CNKSR3: variants seen among roughly 807,000 people sequenced by gnomAD.
CNKSR3 encodes the protein connector enhancer of kinase suppressor of ras 3.
Under a neutral mutation model 67.7 loss-of-function variants are expected in CNKSR3, and 36 were observed. The observed-to-expected ratio is 0.53, with a 90% CI of 0.41 to 0.70. CNKSR3 has a LOEUF of 0.70. Among genes scored for constraint, CNKSR3 ranks in the 30% least tolerant of loss-of-function variants. CNKSR3 has a pLI of 0.00. For missense variants in CNKSR3, 630 were observed against 695.2 expected, an observed-to-expected ratio of 0.91 and a Z score of 1.05; for synonymous variants, 281 against 271.4, an observed-to-expected ratio of 1.04 and a Z score of -0.35.
chr6:154,474,318 C>T (rs2114630869), intron 1 of CNKSR3, among the ~76,000 whole-genome samples: 1 of 151,192 alleles, frequency 6.6e-6, no homozygotes, highest in East Asian at 2.0e-4. Context: ...GAGGCTGAGG[C>T]AGGGGAATCG....
intron 7 of CNKSR3, 40 bp from the exon 8 acceptor site, chr6:154,423,023 C>G: frequency 7.7e-6 from 10 of 1,293,268 alleles, no homozygotes; most frequent in Non-Finnish European, 1.1e-5. Flanking sequence ...TTCTTTTAAA[C>G]CTTCTATTTC....
chr6:154,419,139 T>C (rs1254639687), intron 9 of CNKSR3, among the ~76,000 whole-genome samples: 4 of 148,346 alleles, frequency 2.7e-5, no homozygotes, highest in Non-Finnish European at 5.9e-5. Flanking sequence ...TCTCAAGCAA[T>C]CCTCCCACCT....
At position 154,410,688 on chromosome 6, in the gene CNKSR3, T is replaced by G. The variant is rs563141990; in HGVS notation, c.1279+246A>C. 8.5e-5 allele frequency among the ~76,000 whole-genome samples: 13 copies of G among 152,340 alleles called. No individual in the cohort carries two copies. The East Asian group carries it at 2.5e-3, about 29-fold the overall frequency. On this transcript the variant is annotated intron_variant, in intron 11 of 12. Coordinates refer to ENST00000607772, the MANE Select transcript of CNKSR3 (RefSeq NM_173515.4). ...AACTCCAAAGCTAAAACCCAGGCAC[T>G]GAAAGTTAAAACTGTAACATGATCT... is the stretch of plus-strand genomic sequence containing the variant.
chr6:154,431,166 G>A (rs1352611882), intron 5 of CNKSR3, among the ~76,000 whole-genome samples: 4 of 151,978 alleles, frequency 2.6e-5, no homozygotes, highest in Non-Finnish European at 5.9e-5. Flanking sequence ...AAACTAGGAC[G>A]GGCACAGTGG....
chr6:154,464,639 C>A lies in CNKSR3; in HGVS notation c.53-14381G>T, dbSNP rs540187443. ...GCTGAGGCAGGGGAATCGCTTGAAC[C>A]CGAGAGGTGGAGGTTGCAGTGAGCC... On this transcript the variant is annotated intron_variant, in intron 1 of 12. Coordinates refer to ENST00000607772, the MANE Select transcript of CNKSR3 (RefSeq NM_173515.4). Among the ~76,000 whole-genome samples the A allele has an allele frequency of 5.3e-5, 8 of 151,290 alleles. No individual in the cohort carries two copies. The South Asian group carries it at 1.7e-3, about 32-fold the overall frequency.
chr6:154,473,461 A>T (rs974147680), intron 1 of CNKSR3, among the ~76,000 whole-genome samples: 1 of 152,146 alleles, frequency 6.6e-6, no homozygotes, highest in Non-Finnish European at 1.5e-5. Context: ...TGAAATCTGA[A>T]GCCCAAGCTG....
chr6:154,423,121 C>T lies in CNKSR3; in HGVS notation c.730-138G>A, dbSNP rs968885690. The T allele has an allele frequency of 3.8e-5, 24 of 633,312 alleles. No individual in the cohort carries two copies. In the East Asian group the frequency reaches 4.9e-4, roughly 13 times the overall value. The allele number at this position is 633,312 out of a possible 1,614,324, so 39.2% of individuals were successfully genotyped here. ...GAAAAATAAAACAATGCACTTTATT[C>T]CCCTGAGACTACACAGTCTATAGGA... On this transcript the variant is annotated intron_variant, in intron 7 of 12. Coordinates refer to ENST00000607772, the MANE Select transcript of CNKSR3 (RefSeq NM_173515.4).
At chr6:154,441,449 A>AGCT in intron 3 of CNKSR3, 70 bp from the exon 4 acceptor site, 1 of 1,102,278 alleles carries the variant, frequency 9.1e-7, no homozygotes, top group Non-Finnish European at 1.4e-6. Context: ...GGATGTTGGT[A>AGCT]AGCATAGCTA....
chr6:154,468,393 TACACACACACACACAC>T (rs55806681), intron 1 of CNKSR3, among the ~76,000 whole-genome samples: 6 of 137,218 alleles, frequency 4.4e-5, no homozygotes, highest in African/African-American at 8.1e-5. Flanking sequence ...ATATATTTTA[TACACACACACACACAC>T]ACACACACAC....
At chr6:154,488,811 C>G (rs1308199187) in intron 1 of CNKSR3, among the ~76,000 whole-genome samples, 1 of 152,110 alleles carries the variant, frequency 6.6e-6, no homozygotes, top group Non-Finnish European at 1.5e-5. Context: ...AAAATTGGGA[C>G]TTTTTTAAAA....
At chr6:154,421,373 T>C (rs1785139803) in intron 9 of CNKSR3, among the ~76,000 whole-genome samples, 1 of 152,222 alleles carries the variant, frequency 6.6e-6, no homozygotes, top group Admixed American at 6.5e-5. Context: ...CAGTACCTTG[T>C]CTCACAAAGT....
intron 1 of CNKSR3, among the ~76,000 whole-genome samples, chr6:154,506,335 G>A (rs1787102775): frequency 6.6e-6 from 1 of 152,154 alleles, no homozygotes; most frequent in South Asian, 2.1e-4. Flanking sequence ...GTGAGGGAGG[G>A]AGGAAAGAGA....
chr6:154,492,752 AAAAAAAC>A (rs1786805418), intron 1 of CNKSR3, among the ~76,000 whole-genome samples: 1 of 151,324 alleles, frequency 6.6e-6, no homozygotes, highest in African/African-American at 2.4e-5. Context: ...TCTCAAAAAA[AAAAAAAC>A]AAAAAACAAA....
intron 2 of CNKSR3, among the ~76,000 whole-genome samples, chr6:154,442,913 G>A (rs112047092): frequency 3.9e-4 from 59 of 151,754 alleles, no homozygotes; most frequent in Non-Finnish European, 4.9e-4. Context: ...TTTTTGAGAC[G>A]GAGTCTCACT....
At chr6:154,461,682 CT>C (rs1307052198) in intron 1 of CNKSR3, among the ~76,000 whole-genome samples, 1 of 152,188 alleles carries the variant, frequency 6.6e-6, no homozygotes, top group Non-Finnish European at 1.5e-5. Flanking sequence ...AGTTAATATT[CT>C]TAAAGCACTT....
chr6:154,485,315 T>C (rs1314716336), intron 1 of CNKSR3, among the ~76,000 whole-genome samples: 1 of 152,232 alleles, frequency 6.6e-6, no homozygotes, highest in Non-Finnish European at 1.5e-5. Flanking sequence ...GAAGAAATTA[T>C]ATGTGTTTCT....
At chr6:154,466,786 ATTTT>A (rs368521995) in intron 1 of CNKSR3, among the ~76,000 whole-genome samples, 3 of 137,828 alleles carry the variant, frequency 2.2e-5, no homozygotes, top group Non-Finnish European at 4.6e-5. Flanking sequence ...CGCCCAGCTA[ATTTT>A]TTTGTTTTTT....
intron 10 of CNKSR3, among the ~76,000 whole-genome samples, chr6:154,411,477 T>C (rs1784909852): frequency 6.6e-6 from 1 of 152,054 alleles, no homozygotes. Context: ...TGAAACCCCA[T>C]CTCTACTAAA....
Position 154,415,227 on chromosome 6 carries a change from C to CT in CNKSR3, c.946-805_946-804insA, listed in dbSNP as rs773533317. ...ATCCTGGCTAGACTTACTAGCTGCCCATTTTTTTTTTTTTTTTTTTTAAGA... is the reference window on the plus strand; with the variant it reads ...ATCCTGGCTAGACTTACTAGCTGCCCTATTTTTTTTTTTTTTTTTTTTAAGA... On this transcript the variant is annotated intron_variant, in intron 9 of 12. Coordinates refer to ENST00000607772, the MANE Select transcript of CNKSR3 (RefSeq NM_173515.4). 3.5e-5 allele frequency among the ~76,000 whole-genome samples: 4 copies of CT among 112,788 alleles called. 1 individual carries two copies. The highest frequency in any genetic ancestry group is 7.4e-5 in the African/African-American group (2 of 26,850). The allele number at this position is 112,788 out of a possible 152,430, so 74.0% of individuals were successfully genotyped here. A position where few individuals can be genotyped will look rare whatever the true frequency, so the allele number is the denominator to read the frequency against.
Sources: allele counts gnomAD v4.1 joint callset (sites outside exome capture counted in the v4.1 genomes callset), GRCh38; gene constraint gnomAD v4.1.1; transcripts MANE v1.5; gene names NCBI Gene and HGNC (gene_info 2026-07-23, HGNC 2026-07-21).